Variants in NOVA1 observed in about 807,000 individuals in gnomAD.
NOVA1 encodes NOVA alternative splicing regulator 1, also known as RNA-binding protein Nova-1.
In NOVA1, 7 loss-of-function variants were observed where a neutral mutation model predicts 38.0. That is an observed-to-expected ratio of 0.18 (90% CI 0.10 to 0.35). The LOEUF (loss-of-function observed/expected upper bound fraction) is 0.35. Ranked by LOEUF, NOVA1 falls within the 10% of genes least tolerant of loss-of-function variation. NOVA1 has a pLI of 1.00. For synonymous variants in NOVA1, 270 were observed against 232.5 expected (o/e 1.16, Z -1.47); for missense variants, 460 against 616.0 (o/e 0.75, Z 2.68).
At chr14:26,531,508 G>C (rs976677383) in intron 2 of NOVA1, among the ~76,000 whole-genome samples, 4 of 152,180 alleles carry the variant, frequency 2.6e-5, no homozygotes, top group Admixed American at 1.3e-4. Context: ...TCAGGAGGCT[G>C]AGACAGGAGA....
Position 26,444,774 on chromosome 14 carries a change from T to G in NOVA1, c.*3185A>C, listed in dbSNP as rs1260824186. Reference sequence around the variant, plus strand: ...CAGTGCAAAGAGGAAGGCAGCCGTTTAAAAAGTCTAGGTGCAATGTTGTGG... The same window carrying G: ...CAGTGCAAAGAGGAAGGCAGCCGTTGAAAAAGTCTAGGTGCAATGTTGTGG... On this transcript the variant is annotated 3_prime_UTR_variant, in exon 5 of 5. Transcript: ENST00000539517. 2 of 151,420 alleles carry G rather than the reference T, an allele frequency of 1.3e-5. No individual in the cohort carries two copies. The highest frequency in any genetic ancestry group is 2.9e-5 in the Non-Finnish European group (2 of 67,914). 9.4% of individuals were successfully genotyped at this position (151,420 alleles called of 1,614,324 possible). A position where few individuals can be genotyped will look rare whatever the true frequency, so the allele number is the denominator to read the frequency against.
At chr14:26,501,217 A>C (rs891777574) in intron 2 of NOVA1, among the ~76,000 whole-genome samples, 1 of 152,044 alleles carries the variant, frequency 6.6e-6, no homozygotes, top group Non-Finnish European at 1.5e-5. Flanking sequence ...AGAAGATAAA[A>C]TATCACCTTA....
intron 2 of NOVA1, among the ~76,000 whole-genome samples, chr14:26,547,328 G>A (rs1007518345): frequency 7.9e-5 from 12 of 152,000 alleles, no homozygotes; most frequent in African/African-American, 2.7e-4. Flanking sequence ...CTAAACAAAT[G>A]TTCCAAAAAA....
chr14:26,595,390 C>A lies in NOVA1; in HGVS notation c.280+20G>T. 1 of 1,607,502 alleles carries A rather than the reference C, an allele frequency of 6.2e-7. No individual in the cohort carries two copies. The highest frequency in any genetic ancestry group is 8.5e-7 in the Non-Finnish European group (1 of 1,177,308). On this transcript the variant is annotated intron_variant, in intron 2 of 4. Coordinates refer to ENST00000539517, the MANE Select transcript of NOVA1 (RefSeq NM_002515.3). ...TCCTGTGGGGAGCTCATCAAACAAT[C>A]TCTTCACCATTGCACCTACCTGGGT...
chr14:26,587,832 T>C (rs1269731659), intron 2 of NOVA1, among the ~76,000 whole-genome samples: 1 of 151,188 alleles, frequency 6.6e-6, no homozygotes, highest in African/African-American at 2.4e-5. Context: ...TCTGTGTTAC[T>C]GAAATGCACT....
In NOVA1 at chr14:26,472,354, G is replaced by A; in HGVS notation, c.485C>T (p.Pro162Leu). 6.3e-7 allele frequency: 1 copy of A among 1,580,692 alleles called. No homozygotes were observed. Among genetic ancestry groups the A allele is most frequent in the Non-Finnish European group, 8.6e-7 (1 of 1,160,618 alleles). ...TCTGGAGGTGGTCATGGGATCAGAT[G>A]GAGAGGACTTGGTGGTAGTTGGGGA... ...PSSPTTTKSSPSDPMTTSRAN... is the reference protein window; with the variant it reads ...PSSPTTTKSSLSDPMTTSRAN... Residue 162 changes from proline to leucine, a missense_variant, in exon 4 of 5, where the codon CCA becomes CTA. By Grantham distance (98) the Pro-to-Leu change is moderately conservative. Transcript: ENST00000539517.
chr14:26,459,248 T>G (rs533692977), intron 4 of NOVA1, among the ~76,000 whole-genome samples: 58 of 152,264 alleles, frequency 3.8e-4, no homozygotes, highest in African/African-American at 1.3e-3. Flanking sequence ...TTTTATCTTT[T>G]ATTCTGTATT....
At position 26,587,308 on chromosome 14, in the gene NOVA1, T is replaced by TAAAA. The variant is rs34853058; in HGVS notation, c.280+8098_280+8101dup. The stretch of plus-strand genomic sequence containing the variant: ...ATCTTTAACAGGGATCTAAAATATA[T>TAAAA]AAAAAAAAAAAAAAACAAAAATCTA... On this transcript the variant is annotated intron_variant, in intron 2 of 4. Coordinates refer to ENST00000539517, the MANE Select transcript of NOVA1 (RefSeq NM_002515.3). Among the ~76,000 whole-genome samples the TAAAA allele has an allele frequency of 7.2e-4, 89 of 123,656 alleles. 1 individual carries two copies. Among genetic ancestry groups the TAAAA allele is most frequent in the Non-Finnish European group, 8.1e-4 (50 of 61,400 alleles). The allele number at this position is 123,656 out of a possible 152,430, so 81.1% of individuals were successfully genotyped here.
intron 4 of NOVA1, among the ~76,000 whole-genome samples, chr14:26,455,406 G>A (rs1268446): frequency 0.6 from 91,511 of 151,914 alleles, 31,399 homozygotes; most frequent in Non-Finnish European, 0.75. Context: ...GCTCTGCTAT[G>A]TGACCTTTCT....
intron 2 of NOVA1, among the ~76,000 whole-genome samples, chr14:26,482,722 G>A (rs1356328965): frequency 6.6e-6 from 1 of 152,064 alleles, no homozygotes; most frequent in South Asian, 2.1e-4. Context: ...TTTTGAGACA[G>A]AGTCTCACTT....
chr14:26,473,300 G>A (rs938236632), intron 3 of NOVA1, among the ~76,000 whole-genome samples: 1 of 151,164 alleles, frequency 6.6e-6, no homozygotes, highest in Non-Finnish European at 1.5e-5. Flanking sequence ...CCTTAAAAGT[G>A]TAAGATGTTT....
intron 4 of NOVA1, among the ~76,000 whole-genome samples, chr14:26,451,436 C>T (rs900447203): frequency 2.0e-5 from 3 of 152,042 alleles, no homozygotes; most frequent in African/African-American, 7.2e-5. Context: ...GGTGCAATCT[C>T]GACTCACTGC....
intron 2 of NOVA1, among the ~76,000 whole-genome samples, chr14:26,521,560 A>C (rs1888898909): frequency 6.6e-6 from 1 of 152,074 alleles, no homozygotes; most frequent in South Asian, 2.1e-4. Flanking sequence ...GTCTTTGTTT[A>C]GGATTTGGTT....
At chr14:26,524,042 C>G (rs553682624) in intron 2 of NOVA1, among the ~76,000 whole-genome samples, 1 of 152,134 alleles carries the variant, frequency 6.6e-6, no homozygotes, top group Non-Finnish European at 1.5e-5. Context: ...GGAGCCACCA[C>G]GCCTGGCCCA....
At chr14:26,497,337 G>C (rs1428304977) in intron 2 of NOVA1, among the ~76,000 whole-genome samples, 2 of 152,110 alleles carry the variant, frequency 1.3e-5, no homozygotes, top group Non-Finnish European at 2.9e-5. Context: ...CTCATGGGTA[G>C]GAAGAATCAA....
At chr14:26,505,552 T>C (rs906348156) in intron 2 of NOVA1, among the ~76,000 whole-genome samples, 1 of 152,126 alleles carries the variant, frequency 6.6e-6, no homozygotes, top group Non-Finnish European at 1.5e-5. Context: ...CAGTCTCAGG[T>C]AGTTGTTTAT....
At chr14:26,588,263 T>C (rs1219245406) in intron 2 of NOVA1, 2 of 150,854 alleles carry the variant, frequency 1.3e-5, no homozygotes, top group Non-Finnish European at 3.0e-5. Context: ...TAGAAATATA[T>C]TGAACATCAG....
intron 3 of NOVA1, among the ~76,000 whole-genome samples, chr14:26,478,847 T>G (rs527246281): frequency 1.3e-5 from 2 of 152,002 alleles, no homozygotes; most frequent in East Asian, 3.9e-4. Flanking sequence ...TACTCATGAT[T>G]TAAACATAAA....
chr14:26,596,759 A>G (rs1894215746), intron 1 of NOVA1: 1 of 1,253,806 alleles, frequency 8.0e-7, no homozygotes, highest in South Asian at 1.4e-5. Context: ...TGCACCGACA[A>G]TCTAAGTGCG....
Sources: gnomAD v4.1 joint callset for allele counts (sites outside exome capture counted in the v4.1 genomes callset) on GRCh38, gnomAD v4.1.1 for gene constraint, MANE v1.5 for transcripts, NCBI Gene and HGNC (gene_info 2026-07-23, HGNC 2026-07-21) for gene names.